The following EPM2A variants were observed in gnomAD, a reference collection of about 807,000 sequenced individuals.
The protein encoded by EPM2A is laforin.
A neutral mutation model predicts 26.5 loss-of-function variants in EPM2A; 21 were observed. The ratio of observed to expected loss-of-function variants is 0.79; its 90% CI spans 0.56 to 1.14. The LOEUF is 1.14. Ranked by LOEUF, EPM2A falls within the 50% of genes most tolerant of loss-of-function variation. The pLI is 0.00. For missense variants in EPM2A, 458 were observed against 440.8 expected (o/e 1.04, Z -0.35); for synonymous variants, 217 against 177.6 (o/e 1.22, Z -1.76).
intron 4 of EPM2A, among the ~76,000 whole-genome samples, chr6:145,442,184 C>G (rs908006835): frequency 3.3e-5 from 5 of 152,206 alleles, no homozygotes; most frequent in African/African-American, 1.2e-4. Context: ...AAGTTCCAAA[C>G]TTTCCCACAT....
chr6:145,556,397 T>C (rs566238558), intron 2 of EPM2A, among the ~76,000 whole-genome samples: 1 of 152,234 alleles, frequency 6.6e-6, no homozygotes, highest in African/African-American at 2.4e-5. Flanking sequence ...TTGACCTTGA[T>C]GTGATAGAAT....
chr6:145,714,858 T>C (rs867403939), intron 1 of EPM2A, among the ~76,000 whole-genome samples: 8 of 152,258 alleles, frequency 5.3e-5, no homozygotes, highest in Admixed American at 2.6e-4. Context: ...GTCCCTCCCA[T>C]AACATGTGGG....
At chr6:145,735,629 T>C, upstream of EPM2A, 1 of 1,080,488 alleles carries the variant, frequency 9.3e-7, no homozygotes, top group African/African-American at 1.7e-5. Flanking sequence ...ACACGTGCTG[T>C]TCTGCGCCTT....
chr6:145,695,511 T>C (rs1192271421), intron 1 of EPM2A, among the ~76,000 whole-genome samples: 1 of 151,910 alleles, frequency 6.6e-6, no homozygotes, highest in Admixed American at 6.6e-5. Flanking sequence ...ACTGAATAGA[T>C]TGAAAAAGCA....
At chr6:145,511,808 G>C (rs1394785650) in intron 2 of EPM2A, among the ~76,000 whole-genome samples, 1 of 152,142 alleles carries the variant, frequency 6.6e-6, no homozygotes, top group Non-Finnish European at 1.5e-5. Context: ...GATTGGGAAA[G>C]AGGAAGTCAA....
intron 2 of EPM2A, among the ~76,000 whole-genome samples, chr6:145,582,234 T>C (rs1299724519): frequency 6.6e-6 from 1 of 152,224 alleles, no homozygotes; most frequent in Admixed American, 6.5e-5. Context: ...AATTTCCATG[T>C]TATTGTATGA....
chr6:145,392,021 C>A (rs1778343206), intron 4 of EPM2A, among the ~76,000 whole-genome samples: 1 of 152,086 alleles, frequency 6.6e-6, no homozygotes, highest in South Asian at 2.1e-4. Context: ...AGGGAATAGC[C>A]TCTGGTCAGC....
intron 4 of EPM2A, among the ~76,000 whole-genome samples, chr6:145,413,455 A>G (rs1000924193): frequency 3.9e-5 from 6 of 152,214 alleles, no homozygotes; most frequent in Non-Finnish European, 7.3e-5. Flanking sequence ...ATAGAGTTTT[A>G]TGAATTGTGC....
intron 2 of EPM2A, among the ~76,000 whole-genome samples, chr6:145,683,304 TGTG>T (rs1562485369): frequency 2.8e-5 from 4 of 145,428 alleles, no homozygotes; most frequent in Non-Finnish European, 6.2e-5. Context: ...TGTGTGTGTG[TGTG>T]AGTGTGTATA....
chr6:145,419,182 C>T (rs761787960), intron 4 of EPM2A, among the ~76,000 whole-genome samples: 10 of 114,050 alleles, frequency 8.8e-5, no homozygotes, highest in South Asian at 2.5e-4. Context: ...GTTAAATGTC[C>T]CCCCCCCCCG....
chr6:145,394,455 C>A (rs1778378961), intron 4 of EPM2A, among the ~76,000 whole-genome samples: 1 of 152,096 alleles, frequency 6.6e-6, no homozygotes, highest in South Asian at 2.1e-4. Context: ...GCCCAACAAA[C>A]CTCTACCCAA....
intron 4 of EPM2A, among the ~76,000 whole-genome samples, chr6:145,427,471 A>G (rs2114689027): frequency 6.6e-6 from 1 of 152,248 alleles, no homozygotes; most frequent in East Asian, 1.9e-4. Flanking sequence ...GGGATGTGGT[A>G]AGAGATAAGA....
intron 1 of EPM2A, among the ~76,000 whole-genome samples, chr6:145,723,664 C>A (rs1263980107): frequency 6.6e-6 from 1 of 152,016 alleles, no homozygotes; most frequent in African/African-American, 2.4e-5. Flanking sequence ...CAGTACAGGA[C>A]TATAATCCCT....
chr6:145,495,765 T>A (rs1000762611), intron 4 of EPM2A, among the ~76,000 whole-genome samples: 1 of 151,982 alleles, frequency 6.6e-6, no homozygotes. Context: ...TTAGTAGAGA[T>A]GGGGTTTCAC....
downstream of EPM2A, among the ~76,000 whole-genome samples, chr6:145,622,967 TATCC>T (rs1775669230): frequency 6.6e-6 from 1 of 152,238 alleles, no homozygotes. Flanking sequence ...ACCTTCTCTC[TATCC>T]TTTAGTTTCC....
intron 4 of EPM2A, among the ~76,000 whole-genome samples, chr6:145,461,531 T>C (rs909436868): frequency 6.6e-6 from 1 of 152,142 alleles, no homozygotes; most frequent in African/African-American, 2.4e-5. Flanking sequence ...TAAGGTTTAA[T>C]GACTAAGCAA....
intron 4 of EPM2A, among the ~76,000 whole-genome samples, chr6:145,486,289 C>T (rs1292090642): frequency 1.3e-5 from 2 of 152,178 alleles, no homozygotes; most frequent in Non-Finnish European, 2.9e-5. Flanking sequence ...GGATACTCAC[C>T]TCTAAACATT....
chr6:145,492,393 G>A (rs765259043), intron 4 of EPM2A, among the ~76,000 whole-genome samples: 5 of 152,034 alleles, frequency 3.3e-5, no homozygotes, highest in Admixed American at 6.6e-5. Context: ...AGGCCCCTGA[G>A]GGCATGTGTT....
At chr6:145,569,016 T>G (rs1485928105) in intron 2 of EPM2A, among the ~76,000 whole-genome samples, 2 of 152,226 alleles carry the variant, frequency 1.3e-5, no homozygotes, top group African/African-American at 4.8e-5. Flanking sequence ...GCCATAGGCA[T>G]GGAGTTTTCA....
Sources: gnomAD v4.1 joint callset for allele counts (sites outside exome capture counted in the v4.1 genomes callset) on GRCh38, gnomAD v4.1.1 for gene constraint, MANE v1.5 for transcripts, NCBI Gene and HGNC (gene_info 2026-07-23, HGNC 2026-07-21) for gene names.